Variants in WRN observed in about 807,000 individuals in gnomAD.
WRN encodes the protein WRN RecQ like helicase.
A neutral mutation model predicts 180.7 loss-of-function variants in WRN; 149 were observed. That is an observed-to-expected ratio of 0.82 (90% confidence interval 0.72 to 0.94). WRN has a LOEUF of 0.94. Among genes scored for constraint, WRN ranks in the 40% least tolerant of loss-of-function variants. WRN has a pLI of 0.00. For synonymous variants in WRN, 548 were observed against 568.9 expected (o/e 0.96, Z 0.52); for missense variants, 1,661 against 1,700.1 (o/e 0.98, Z 0.40).
intron 18 of WRN, among the ~76,000 whole-genome samples, chr8:31,103,899 T>G (rs934139530): frequency 5.3e-5 from 8 of 151,820 alleles, no homozygotes; most frequent in African/African-American, 7.3e-5. Context: ...TGTGCCCGGC[T>G]AATTTTTTGT....
intron 24 of WRN, among the ~76,000 whole-genome samples, chr8:31,137,315 T>C (rs1340132078): frequency 1.3e-5 from 2 of 152,156 alleles, no homozygotes; most frequent in Non-Finnish European, 2.9e-5. Context: ...TAAATGGTTT[T>C]TTTATGCTTA....
chr8:31,084,281 G>A (rs762353797), intron 10 of WRN, among the ~76,000 whole-genome samples: 2 of 152,134 alleles, frequency 1.3e-5, no homozygotes, highest in Non-Finnish European at 2.9e-5. Flanking sequence ...TTACAGGTGT[G>A]AGCCACCACA....
intron 1 of WRN, among the ~76,000 whole-genome samples, chr8:31,044,403 C>A (rs1367827178): frequency 1.6e-5 from 2 of 124,358 alleles, no homozygotes; most frequent in Non-Finnish European, 3.2e-5. Context: ...GTTGCCCAGG[C>A]TGGAGTGCAA....
rs1461234852 is a variant in WRN, at chr8:31,174,339, G to A, written c.*1237G>A. Among the ~76,000 whole-genome samples, 2 of 152,178 alleles carry A rather than the reference G, an allele frequency of 1.3e-5. No homozygotes were observed. Among genetic ancestry groups the A allele is most frequent in the Non-Finnish European group, 2.9e-5 (2 of 68,040 alleles). On this transcript the variant is annotated 3_prime_UTR_variant, in exon 35 of 35. Coordinates refer to ENST00000298139, the MANE Select transcript of WRN (RefSeq NM_000553.6). Reference sequence around the variant, plus strand: ...ACAGACACGTCTGCTGCATGCCTAGGTACGAGGCTGTCTCCAGGAGAAGCA... The same window carrying A: ...ACAGACACGTCTGCTGCATGCCTAGATACGAGGCTGTCTCCAGGAGAAGCA...
At chr8:31,165,356 C>A (rs748647644) in intron 33 of WRN, among the ~76,000 whole-genome samples, 1 of 151,778 alleles carries the variant, frequency 6.6e-6, no homozygotes, top group Non-Finnish European at 1.5e-5. Flanking sequence ...TACTTGGTTT[C>A]GAGTGTGGGA....
intron 24 of WRN, among the ~76,000 whole-genome samples, chr8:31,136,672 TA>T (rs996722198): frequency 6.6e-6 from 1 of 151,570 alleles, no homozygotes; most frequent in Non-Finnish European, 1.5e-5. Context: ...TCCGTCTCTA[TA>T]AAAAAAAATT....
Position 31,072,334 on chromosome 8 carries a change from C to A in WRN, c.725-3839C>A, listed in dbSNP as rs568197992. ...TGTAATCTTTTAAACAATAGTTTTG[C>A]TGTACTGGGTAGCAAAAGAGTGATT... On this transcript the variant is annotated intron_variant, in intron 7 of 34. Transcript: ENST00000298139. Among the ~76,000 whole-genome samples, 7 of 152,276 alleles carry A rather than the reference C, an allele frequency of 4.6e-5. No homozygotes were observed. In the South Asian group the frequency reaches 1.5e-3, roughly 32 times the overall value.
chr8:31,131,997 A>G (rs1802197179), intron 23 of WRN, among the ~76,000 whole-genome samples: 1 of 150,502 alleles, frequency 6.6e-6, no homozygotes, highest in Non-Finnish European at 1.5e-5. Context: ...CTTTAACACT[A>G]AAGTCCAATA....
chr8:31,130,384 C>T (rs761078605), intron 23 of WRN, among the ~76,000 whole-genome samples: 2 of 152,192 alleles, frequency 1.3e-5, no homozygotes, highest in African/African-American at 4.8e-5. Flanking sequence ...AAGATACTTA[C>T]TCTAAGGAAA....
chr8:31,133,251 G>A (rs185657760), intron 24 of WRN, among the ~76,000 whole-genome samples: 2 of 152,268 alleles, frequency 1.3e-5, no homozygotes, highest in East Asian at 3.9e-4. Context: ...TAAATCAAGA[G>A]CAAGAGATAG....
chr8:31,169,777 T>C (rs1379179918), intron 34 of WRN, among the ~76,000 whole-genome samples: 1 of 152,162 alleles, frequency 6.6e-6, no homozygotes, highest in Non-Finnish European at 1.5e-5. Flanking sequence ...TTTGTCTCTG[T>C]TGTACCTGTC....
In WRN at chr8:31,093,312, C is replaced by A. The variant is rs372209190; in HGVS notation, c.1898+1414C>A. Among the ~76,000 whole-genome samples, 12 of 152,190 alleles carry A rather than the reference C, an allele frequency of 7.9e-5. No homozygotes were observed. In the East Asian group the frequency reaches 2.1e-3, roughly 27 times the overall value. On this transcript the variant is annotated intron_variant, in intron 16 of 34. Transcript: ENST00000298139. ...GTGTGGTGGATATATGTTTAACTTT[C>A]TTTTTTCTGAGATAAAATTAGAAGG...
intron 1 of WRN, among the ~76,000 whole-genome samples, chr8:31,036,272 A>C (rs1011305045): frequency 6.6e-6 from 1 of 152,154 alleles, no homozygotes; most frequent in African/African-American, 2.4e-5. Flanking sequence ...CTGTTGATGG[A>C]CAGTTAGCTT....
At chr8:31,086,102 TAAG>T (rs554826305) in intron 11 of WRN, among the ~76,000 whole-genome samples, 3 of 152,148 alleles carry the variant, frequency 2.0e-5, no homozygotes, top group Non-Finnish European at 4.4e-5. Flanking sequence ...AGATGTATAA[TAAG>T]AAAAGCCAAT....
chr8:31,151,901 A>AT (rs11392929), intron 31 of WRN, among the ~76,000 whole-genome samples: 24,842 of 150,670 alleles, frequency 0.16, 2,249 homozygotes, highest in South Asian at 0.26. Context: ...TTAGCCTTTT[A>AT]TTTTTTTTTT....
chr8:31,054,042 A>G (rs1812174499), intron 1 of WRN, among the ~76,000 whole-genome samples: 1 of 152,192 alleles, frequency 6.6e-6, no homozygotes, highest in South Asian at 2.1e-4. Flanking sequence ...TAATGGTGAA[A>G]AAGGAGTTTT....
At chr8:31,095,369 C>T (rs1813922423) in intron 16 of WRN, among the ~76,000 whole-genome samples, 1 of 152,126 alleles carries the variant, frequency 6.6e-6, no homozygotes, top group South Asian at 2.1e-4. Context: ...TATGGCTTTT[C>T]ATACTTTCCA....
chr8:31,049,655 A>G (rs1409259529), intron 1 of WRN, among the ~76,000 whole-genome samples: 2 of 152,192 alleles, frequency 1.3e-5, no homozygotes, highest in Non-Finnish European at 2.9e-5. Flanking sequence ...TTCTACCTAT[A>G]AAGTACTTCA....
At chr8:31,093,598 G>C (rs1563346733) in intron 16 of WRN, among the ~76,000 whole-genome samples, 1 of 151,812 alleles carries the variant, frequency 6.6e-6, no homozygotes, top group East Asian at 1.9e-4. Flanking sequence ...TTTTTTCTAA[G>C]CATTTTAAAT....
Sources: allele counts gnomAD v4.1 joint callset (sites outside exome capture counted in the v4.1 genomes callset), GRCh38; gene constraint gnomAD v4.1.1; transcripts MANE v1.5; gene names NCBI Gene and HGNC (gene_info 2026-07-23, HGNC 2026-07-21).